KCTD7: variants seen among roughly 807,000 people sequenced by gnomAD.
The protein encoded by KCTD7 is potassium channel tetramerization domain containing 7, also known as BTB/POZ domain-containing protein KCTD7.
In KCTD7, 15 loss-of-function variants were observed where a neutral mutation model predicts 27.0. The observed-to-expected ratio is 0.56, with a 90% CI of 0.37 to 0.86. KCTD7 has a LOEUF of 0.86. Ranked by LOEUF, KCTD7 falls within the 40% of genes least tolerant of loss-of-function variation. The pLI, the probability that KCTD7 is intolerant of heterozygous loss-of-function variation, is 0.00. For synonymous variants in KCTD7, 159 were observed against 162.7 expected (o/e 0.98, Z 0.17); for missense variants, 299 against 398.9 (o/e 0.75, Z 2.13).
Position 66,642,718 on chromosome 7 carries a change from T to G in KCTD7, c.*3486T>G. On this transcript the variant is annotated 3_prime_UTR_variant, in exon 4 of 4. Coordinates refer to ENST00000639828, the MANE Select transcript of KCTD7 (RefSeq NM_153033.5). ...CTCATGATCCTTAAAAGAGAGAGGCTTTTTTCATCCAAAGCTGTAGTGTTG... is the reference window on the plus strand; with the variant it reads ...CTCATGATCCTTAAAAGAGAGAGGCGTTTTTCATCCAAAGCTGTAGTGTTG... 1 of 985,354 alleles carries G rather than the reference T, an allele frequency of 1.0e-6. No individual in the cohort carries two copies. The highest frequency in any genetic ancestry group is 1.1e-4 in the East Asian group (1 of 8,814). The allele number at this position is 985,354 out of a possible 1,614,324, so 61.0% of individuals were successfully genotyped here.
At chr7:66,638,658 C>T (rs1426974827) in intron 3 of KCTD7, 198 bp from the exon 4 acceptor site, 9 of 786,962 alleles carry the variant, frequency 1.1e-5, no homozygotes, top group Non-Finnish European at 1.8e-5. Context: ...GCCCTCGTCC[C>T]ATTGGCTTCC....
In KCTD7 at chr7:66,639,800, ACTTTT is replaced by A. The variant is rs747669183; in HGVS notation, c.*575_*579del. 20 of 1,250,084 alleles carry A rather than the reference ACTTTT, an allele frequency of 1.6e-5. No individual in the cohort carries two copies. Among genetic ancestry groups the A allele is most frequent in the Middle Eastern group, 6.2e-4 (2 of 3,248 alleles). 77.4% of individuals were successfully genotyped at this position (1,250,084 alleles called of 1,614,324 possible). ...GCCCACATTCCCAAAATGTGGAAAG[ACTTTT>A]CTTTTCCTTCCGGAACATGTTCTTC... On this transcript the variant is annotated 3_prime_UTR_variant, in exon 4 of 4. Transcript: ENST00000639828.
At chr7:66,631,256 T>C (rs528652929) in intron 1 of KCTD7, among the ~76,000 whole-genome samples, 40 of 152,166 alleles carry the variant, frequency 2.6e-4, no homozygotes, top group Admixed American at 3.3e-4. Context: ...ACTGTGTAGA[T>C]AAGCAGACTT....
chr7:66,643,120 A>AT (rs1316378192), downstream of KCTD7: 5 of 984,618 alleles, frequency 5.1e-6, no homozygotes, highest in Non-Finnish European at 6.0e-6. Context: ...GCCAGCAAAT[A>AT]TTTTTTATTT....
chr7:66,632,237 C>T (rs1384438875), intron 1 of KCTD7, among the ~76,000 whole-genome samples: 1 of 151,296 alleles, frequency 6.6e-6, no homozygotes, highest in African/African-American at 2.4e-5. Context: ...CCGGTAATCC[C>T]AGCACTTGGG....
chr7:66,639,999 G>A lies in KCTD7; in HGVS notation c.*767G>A. The A allele has an allele frequency of 2.4e-6, 3 of 1,256,846 alleles. No individual in the cohort carries two copies. Among genetic ancestry groups the A allele is most frequent in the Non-Finnish European group, 3.0e-6 (3 of 1,004,148 alleles). 77.9% of individuals were successfully genotyped at this position (1,256,846 alleles called of 1,614,324 possible). A position where few individuals can be genotyped will look rare whatever the true frequency, so the allele number is the denominator to read the frequency against. ...CAGGGCTGGAATGCAAATTTCAGAG[G>A]CTTCTTTTGAAGATTCCCCAAGTCA... On this transcript the variant is annotated 3_prime_UTR_variant, in exon 4 of 4. Coordinates refer to ENST00000639828, the MANE Select transcript of KCTD7 (RefSeq NM_153033.5).
Position 66,636,219 on chromosome 7 carries a change from G to A in KCTD7, c.315-2034G>A, listed in dbSNP as rs71261622. Among the ~76,000 whole-genome samples the A allele has an allele frequency of 7.8e-4, 118 of 151,488 alleles. 1 individual carries two copies. The highest frequency in any genetic ancestry group is 3.5e-3 in the East Asian group (18 of 5,156). On this transcript the variant is annotated intron_variant, in intron 2 of 3. Coordinates refer to ENST00000639828, the MANE Select transcript of KCTD7 (RefSeq NM_153033.5). The stretch of plus-strand genomic sequence containing the variant: ...CACCGTGAAGGCTGCTTGGGCCTCA[G>A]TCTGGGGTCGTTCCCCATTGTCATC...
Position 66,638,425 on chromosome 7 carries a change from T to TA in KCTD7, c.488dup (p.Tyr163Ter). ...RQAFLGLMPY[Y>*]KDHLERIVEI... ...AGCGTTTCTGGGACTCATGCCCTATTACAAAGGTGAGGGTCAGCTGCCCAG... is the reference window on the plus strand; with the variant it reads ...AGCGTTTCTGGGACTCATGCCCTATTAACAAAGGTGAGGGTCAGCTGCCCAG... Residue 163 changes from tyrosine to a stop codon, truncating the protein, a stop_gained and frameshift_variant, in exon 3 of 4, where the codon TAC becomes TAAC. Transcript: ENST00000639828. LOFTEE classifies it high-confidence loss of function. 2.5e-6 allele frequency: 4 copies of TA among 1,613,812 alleles called. No individual in the cohort carries two copies. Among genetic ancestry groups the TA allele is most frequent in the Non-Finnish European group, 3.4e-6 (4 of 1,179,928 alleles).
chr7:66,640,042 G>T lies in KCTD7; in HGVS notation c.*810G>T. On this transcript the variant is annotated 3_prime_UTR_variant, in exon 4 of 4. Coordinates refer to ENST00000639828, the MANE Select transcript of KCTD7 (RefSeq NM_153033.5). ...CCAAGTCAAGCAGGCAAGATGCCTAGATCTTCTGTTATCTTTGACATGTAA... is the reference window on the plus strand; with the variant it reads ...CCAAGTCAAGCAGGCAAGATGCCTATATCTTCTGTTATCTTTGACATGTAA... 7.9e-7 allele frequency: 1 copy of T among 1,266,692 alleles called. No individual in the cohort carries two copies. The highest frequency in any genetic ancestry group is 9.9e-7 in the Non-Finnish European group (1 of 1,010,070). The allele number at this position is 1,266,692 out of a possible 1,614,324, so 78.5% of individuals were successfully genotyped here.
intron 3 of KCTD7, 87 bp from the exon 4 acceptor site, chr7:66,638,769 C>A: frequency 6.6e-7 from 1 of 1,514,752 alleles, no homozygotes; most frequent in Non-Finnish European, 9.1e-7. Flanking sequence ...CTGCATCCTG[C>A]CATCTTCAGG....
At position 66,642,105 on chromosome 7, in the gene KCTD7, C is replaced by T; in HGVS notation, c.*2873C>T. The T allele has an allele frequency of 2.0e-6, 2 of 985,374 alleles. No individual in the cohort carries two copies. Among genetic ancestry groups the T allele is most frequent in the Non-Finnish European group, 2.4e-6 (2 of 829,934 alleles). The allele number at this position is 985,374 out of a possible 1,614,324, so 61.0% of individuals were successfully genotyped here. ...AGGAGATGGGACCAATGGTGCAATG[C>T]TCGCCATAACAAAATTCCTTAAAAA... On this transcript the variant is annotated 3_prime_UTR_variant, in exon 4 of 4. Transcript: ENST00000639828.
At chr7:66,638,170 T>G in intron 2 of KCTD7, 83 bp from the exon 3 acceptor site, 2 of 1,438,130 alleles carry the variant, frequency 1.4e-6, no homozygotes, top group Non-Finnish European at 2.0e-6. Context: ...CAGTCTGGTT[T>G]TAGATTTTGT....
Position 66,639,283 on chromosome 7 carries a change from G to A in KCTD7, c.*51G>A, listed in dbSNP as rs1786658662. On this transcript the variant is annotated 3_prime_UTR_variant, in exon 4 of 4. Coordinates refer to ENST00000639828, the MANE Select transcript of KCTD7 (RefSeq NM_153033.5). ...TCAGGGAGGATGTCCACCTTGCTTG[G>A]TGGCTCTGGGAGTAAGATCCCTGAA... 1 of 1,601,010 alleles carries A rather than the reference G, an allele frequency of 6.2e-7. No individual in the cohort carries two copies. Among genetic ancestry groups the A allele is most frequent in the Non-Finnish European group, 8.5e-7 (1 of 1,179,896 alleles).
In KCTD7 at chr7:66,629,061, A is replaced by C; in HGVS notation, c.-4A>C. On this transcript the variant is annotated 5_prime_UTR_variant, in exon 1 of 4. Coordinates refer to ENST00000639828, the MANE Select transcript of KCTD7 (RefSeq NM_153033.5). Reference sequence around the variant, plus strand: ...AGCCGCGCCCACTGCCCAGAGCCAGAGGGATGGTGGTAGTCACGGGGCGGG... The same window carrying C: ...AGCCGCGCCCACTGCCCAGAGCCAGCGGGATGGTGGTAGTCACGGGGCGGG... 6.6e-7 allele frequency: 1 copy of C among 1,516,292 alleles called. No homozygotes were observed. The highest frequency in any genetic ancestry group is 1.2e-5 in the South Asian group (1 of 80,962). 93.9% of individuals were successfully genotyped at this position (1,516,292 alleles called of 1,614,324 possible).
chr7:66,637,320 A>G (rs537950001), intron 2 of KCTD7, among the ~76,000 whole-genome samples: 8 of 152,270 alleles, frequency 5.3e-5, no homozygotes, highest in African/African-American at 1.7e-4. Flanking sequence ...TCCTGAGCTC[A>G]GATGATCCAC....
In KCTD7 at chr7:66,640,535, T is replaced by G; in HGVS notation, c.*1303T>G. On this transcript the variant is annotated 3_prime_UTR_variant, in exon 4 of 4. Transcript: ENST00000639828. ...GCACCATTGATCACAATGTAACATT[T>G]CCATGCTGCATTAAGGGTGTCTCTC... The G allele has an allele frequency of 6.7e-7, 1 of 1,493,732 alleles. No individual in the cohort carries two copies. Among genetic ancestry groups the G allele is most frequent in the Non-Finnish European group, 8.9e-7 (1 of 1,126,004 alleles). The allele number at this position is 1,493,732 out of a possible 1,614,324, so 92.5% of individuals were successfully genotyped here.
chr7:66,640,266 G>A lies in KCTD7; in HGVS notation c.*1034G>A, dbSNP rs1786685365. The A allele has an allele frequency of 2.0e-6, 3 of 1,500,604 alleles. No homozygotes were observed. In the Admixed American group the frequency reaches 6.3e-5, roughly 31 times the overall value. The allele number at this position is 1,500,604 out of a possible 1,614,324, so 93.0% of individuals were successfully genotyped here. A position where few individuals can be genotyped will look rare whatever the true frequency, so the allele number is the denominator to read the frequency against. On this transcript the variant is annotated 3_prime_UTR_variant, in exon 4 of 4. Coordinates refer to ENST00000639828, the MANE Select transcript of KCTD7 (RefSeq NM_153033.5). ...GGTGAGACACACAGCTATCCTAGGAGCCGTAGGAAGACAAAACTTCCCTTT... is the reference window on the plus strand; with the variant it reads ...GGTGAGACACACAGCTATCCTAGGAACCGTAGGAAGACAAAACTTCCCTTT...
rs1262673915 is a variant in KCTD7 at position 66,639,972 on chromosome 7, C to T, written c.*740C>T. On this transcript the variant is annotated 3_prime_UTR_variant, in exon 4 of 4. Coordinates refer to ENST00000639828, the MANE Select transcript of KCTD7 (RefSeq NM_153033.5). ...TTCCTTGCTTGCAGGGTTATCTTCT[C>T]ACAGGGCTGGAATGCAAATTTCAGA... The T allele has an allele frequency of 1.6e-6, 2 of 1,253,798 alleles. No homozygotes were observed. The highest frequency in any genetic ancestry group is 3.1e-5 in the African/African-American group (2 of 64,698). The allele number at this position is 1,253,798 out of a possible 1,614,324, so 77.7% of individuals were successfully genotyped here.
intron 3 of KCTD7, 155 bp from the exon 4 acceptor site, chr7:66,638,701 G>A (rs1584399437): frequency 2.1e-6 from 2 of 936,840 alleles, no homozygotes; most frequent in South Asian, 3.2e-5. Flanking sequence ...CCTTGTTTAA[G>A]TTTGTGCCCT....
Sources: allele counts gnomAD v4.1 joint callset (sites outside exome capture counted in the v4.1 genomes callset), GRCh38; gene constraint gnomAD v4.1.1; transcripts MANE v1.5; gene names NCBI Gene and HGNC (gene_info 2026-07-23, HGNC 2026-07-21).